SAXO2: variants seen among roughly 807,000 people sequenced by gnomAD.
SAXO2 encodes the protein family with sequence similarity 154, member B.
Under a neutral mutation model 18.7 loss-of-function variants are expected in SAXO2, and 17 were observed. The ratio of observed to expected loss-of-function variants is 0.91; its 90% CI spans 0.62 to 1.36. SAXO2 has a LOEUF of 1.36. Ranked by LOEUF, SAXO2 falls within the 40% of genes most tolerant of loss-of-function variation. The pLI, the probability that SAXO2 is intolerant of heterozygous loss-of-function variation, is 0.00. For missense variants in SAXO2, 486 were observed against 562.6 expected (o/e 0.86, Z 1.38); for synonymous variants, 163 against 181.2 (o/e 0.90, Z 0.81).
In SAXO2 at chr15:82,265,655, C is replaced by A; in HGVS notation, c.140C>A (p.Pro47His). The change falls in exon 2 of 4, where the codon CCT (proline) becomes CAT (histidine). Residue 47 changes from proline (P) to histidine (H), a missense_variant. Transcript: ENST00000682753. The stretch of plus-strand genomic sequence containing the variant: ...ACAACTGAATATTTGGAAAAATATC[C>A]TATGTATGACAATGTTCTTCCACCT... ...CPTTEYLEKYPMYDNVLPPQS... is the reference protein window; with the variant it reads ...CPTTEYLEKYHMYDNVLPPQS... The A allele has an allele frequency of 1.3e-6, 2 of 1,494,910 alleles. No homozygotes were observed. The highest frequency in any genetic ancestry group is 2.2e-5 in the Admixed American group (1 of 44,704). The allele number at this position is 1,494,910 out of a possible 1,614,324, so 92.6% of individuals were successfully genotyped here.
chr15:82,276,791 A>C (rs957532611), intron 3 of SAXO2, among the ~76,000 whole-genome samples: 16 of 152,236 alleles, frequency 1.1e-4, no homozygotes, highest in African/African-American at 3.9e-4. Context: ...TTCAGACAAA[A>C]AAAGAAAAAG....
intron 3 of SAXO2, 86 bp downstream of exon 3, chr15:82,271,888 T>G: frequency 8.4e-7 from 1 of 1,196,474 alleles, no homozygotes; most frequent in South Asian, 1.5e-5. Context: ...ATAACTTTGG[T>G]GTGCTGCCAA....
chr15:82,284,714 T>A lies in SAXO2; in HGVS notation c.*1652T>A, dbSNP rs559368588. 6.6e-6 allele frequency: 1 copy of A among 152,354 alleles called. No homozygotes were observed. The highest frequency in any genetic ancestry group is 1.9e-4 in the East Asian group (1 of 5,194). The allele number at this position is 152,354 out of a possible 1,614,324, so 9.4% of individuals were successfully genotyped here. A position where few individuals can be genotyped will look rare whatever the true frequency, so the allele number is the denominator to read the frequency against. ...TTAAAAAAATTAAATAATTGCATTA[T>A]GGGAGAATATGATTTATTTTAGCAT... On this transcript the variant is annotated 3_prime_UTR_variant, in exon 4 of 4. Transcript: ENST00000682753.
At chr15:82,267,399 G>T (rs969182336) in intron 2 of SAXO2, among the ~76,000 whole-genome samples, 2 of 152,218 alleles carry the variant, frequency 1.3e-5, no homozygotes, top group African/African-American at 4.8e-5. Context: ...ATTTATCTCA[G>T]TGAGCAGAGT....
chr15:82,276,864 G>A (rs1028748388), intron 3 of SAXO2, among the ~76,000 whole-genome samples: 1 of 152,186 alleles, frequency 6.6e-6, no homozygotes, highest in African/African-American at 2.4e-5. Context: ...ACTTATTCCA[G>A]ATAGAAGCAT....
rs141018994 is a variant in SAXO2 at position 82,265,708 on chromosome 15, C to T, written c.193C>T (p.Arg65Ter). The change falls in exon 2 of 4, where the codon CGA (arginine) becomes TGA (stop). Residue 65 changes from arginine to a stop codon, truncating the protein, a stop_gained. Transcript: ENST00000682753. LOFTEE classifies it high-confidence loss of function. ...PQSLKAKQEI[R>*]ACHGKMEGIT... ...GAGTCTTAAAGCCAAGCAAGAAATTCGAGCATGCCATGGTAAAATGGAAGG... is the reference window on the plus strand; with the variant it reads ...GAGTCTTAAAGCCAAGCAAGAAATTTGAGCATGCCATGGTAAAATGGAAGG... 1,307 of 1,529,076 alleles carry T rather than the reference C, an allele frequency of 8.5e-4. 9 individuals carry two copies. In the African/African-American group the frequency reaches 0.014, roughly 16 times the overall value. 94.7% of individuals were successfully genotyped at this position (1,529,076 alleles called of 1,614,324 possible).
chr15:82,265,142 TTTG>T (rs1250243761), intron 1 of SAXO2, among the ~76,000 whole-genome samples: 1 of 152,148 alleles, frequency 6.6e-6, no homozygotes, highest in African/African-American at 2.4e-5. Flanking sequence ...TGGGGGTTTT[TTTG>T]TTTTTAGTTT....
Position 82,283,214 on chromosome 15 carries a change from A to C in SAXO2, c.*152A>C. ...GGAAAATATATTATAAGAAATCAGA[A>C]TCTTAAAACCATTTTTTATTGATAT... On this transcript the variant is annotated 3_prime_UTR_variant, in exon 4 of 4. Transcript: ENST00000682753. The C allele has an allele frequency of 4.1e-6, 2 of 484,176 alleles. No individual in the cohort carries two copies. The highest frequency in any genetic ancestry group is 3.3e-6 in the Non-Finnish European group (1 of 299,166). 30.0% of individuals were successfully genotyped at this position (484,176 alleles called of 1,614,324 possible).
At chr15:82,274,140 C>T (rs913518784) in intron 3 of SAXO2, among the ~76,000 whole-genome samples, 2 of 151,996 alleles carry the variant, frequency 1.3e-5, no homozygotes, top group Admixed American at 6.5e-5. Flanking sequence ...ACACAATACA[C>T]GCACACACTT....
chr15:82,263,486 C>T (rs2141354038), intron 1 of SAXO2: 3 of 701,236 alleles, frequency 4.3e-6, no homozygotes, highest in Non-Finnish European at 5.2e-6. Flanking sequence ...TGAGTCCTGC[C>T]TAACAACCTT....
intron 1 of SAXO2, among the ~76,000 whole-genome samples, chr15:82,264,232 C>T (rs2075184407): frequency 6.6e-6 from 1 of 151,928 alleles, no homozygotes; most frequent in Admixed American, 6.6e-5. Context: ...CGACCACACC[C>T]AGCTAATTTT....
intron 1 of SAXO2, chr15:82,264,787 C>T: frequency 2.9e-6 from 2 of 696,548 alleles, no homozygotes; most frequent in Admixed American, 2.1e-5. Context: ...AGTTAGGAAA[C>T]CAGCTTGCAA....
rs764024500 is a variant in SAXO2 at position 82,271,738 on chromosome 15, A to G, written c.369A>G (p.Ala123=). 7 of 1,614,070 alleles carry G rather than the reference A, an allele frequency of 4.3e-6. No individual in the cohort carries two copies. In the East Asian group the frequency reaches 1.6e-4, roughly 36 times the overall value. The change falls in exon 3 of 4, where the codon GCA becomes GCG. Residue 123 remains alanine, a synonymous_variant. Transcript: ENST00000682753. ...DLNSYKVQPV[A]IVRPLERQVK... is the part of the protein sequence containing the mutation. ...ATTCGTATAAAGTGCAGCCTGTGGC[A>G]ATAGTCCGGCCTTTGGAGAGACAAG...
chr15:82,268,413 C>CAT (rs2075239543), intron 2 of SAXO2, among the ~76,000 whole-genome samples: 1 of 152,178 alleles, frequency 6.6e-6, no homozygotes, highest in Admixed American at 6.5e-5. Flanking sequence ...CCCAAAGGTC[C>CAT]ATATATGCCA....
At chr15:82,264,372 T>TC (rs2141356960) in intron 1 of SAXO2, among the ~76,000 whole-genome samples, 1 of 152,072 alleles carries the variant, frequency 6.6e-6, no homozygotes, top group East Asian at 1.9e-4. Flanking sequence ...GCATTGATTT[T>TC]TTTTTTTTTT....
At chr15:82,267,126 AG>A (rs1227312789) in intron 2 of SAXO2, among the ~76,000 whole-genome samples, 6 of 152,318 alleles carry the variant, frequency 3.9e-5, no homozygotes, top group Non-Finnish European at 8.8e-5. Context: ...TATTTTGCCA[AG>A]GTTGAGGGTG....
chr15:82,276,113 G>A (rs569795502), intron 3 of SAXO2, among the ~76,000 whole-genome samples: 1 of 152,064 alleles, frequency 6.6e-6, no homozygotes, highest in Non-Finnish European at 1.5e-5. Flanking sequence ...TAATCTTCAA[G>A]CTGAGAATCA....
chr15:82,284,614 T>C lies in SAXO2; in HGVS notation c.*1552T>C, dbSNP rs2075395087. The stretch of plus-strand genomic sequence containing the variant: ...TAAAGAATGATGCCAGTAAGTATAG[T>C]AGAAACACTCTATTGCATTTATAAA... On this transcript the variant is annotated 3_prime_UTR_variant, in exon 4 of 4. Coordinates refer to ENST00000682753, the MANE Select transcript of SAXO2 (RefSeq NM_001348699.2). The C allele has an allele frequency of 6.6e-6, 1 of 152,190 alleles. No individual in the cohort carries two copies. Among genetic ancestry groups the C allele is most frequent in the Non-Finnish European group, 1.5e-5 (1 of 68,044 alleles). 9.4% of individuals were successfully genotyped at this position (152,190 alleles called of 1,614,324 possible).
Position 82,271,652 on chromosome 15 carries a change from G to C in SAXO2, c.283G>C (p.Glu95Gln), listed in dbSNP as rs1459032665. ...AGTTAAACAGCCTCGCCATGTGCCA[G>C]AAGAATATAAACCAAAACAAGGGAA... ...EIVKQPRHVP[E>Q]EYKPKQGKID... Residue 95 changes from glutamate to glutamine, a missense_variant, in exon 3 of 4, where the codon GAA (glutamate) becomes CAA (glutamine). Physicochemically the swap from Glu to Gln is conservative, Grantham distance 29. Coordinates refer to ENST00000682753, the MANE Select transcript of SAXO2 (RefSeq NM_001348699.2). 1 of 1,613,978 alleles carries C rather than the reference G, an allele frequency of 6.2e-7. No individual in the cohort carries two copies. The highest frequency in any genetic ancestry group is 1.1e-5 in the South Asian group (1 of 91,060).
Sources: gnomAD v4.1 joint callset for allele counts (sites outside exome capture counted in the v4.1 genomes callset) on GRCh38, gnomAD v4.1.1 for gene constraint, MANE v1.5 for transcripts, NCBI Gene and HGNC (gene_info 2026-07-23, HGNC 2026-07-21) for gene names.